The following NHS variants were observed in gnomAD, a reference collection of about 807,000 sequenced individuals.
NHS encodes actin remodeling regulator NHS.
A neutral mutation model predicts 72.5 loss-of-function variants in NHS; 5 were observed. The observed-to-expected ratio is 0.07, with a 90% CI of 0.04 to 0.14. NHS has a LOEUF of 0.14. Among genes scored for constraint, NHS ranks in the 10% least tolerant of loss-of-function variants. NHS has a pLI of 1.00. For missense variants in NHS, 1,072 were observed against 1,355.7 expected, an observed-to-expected ratio of 0.79 and a Z score of 3.29; for synonymous variants, 464 against 547.7, an observed-to-expected ratio of 0.85 and a Z score of 2.13.
intron 1 of NHS, among the ~76,000 whole-genome samples, chrX:17,458,411 T>C (rs2064833670): frequency 9.0e-6 from 1 of 111,125 alleles, no homozygotes. Flanking sequence ...TTATTTTTAG[T>C]AGAGATGGGA....
intron 1 of NHS, among the ~76,000 whole-genome samples, chrX:17,398,000 A>G (rs2064484759): frequency 8.9e-6 from 1 of 112,499 alleles, no homozygotes; most frequent in Non-Finnish European, 1.9e-5. Flanking sequence ...GGGCAGTGAT[A>G]CAAAAGGGAC....
chrX:17,652,806 T>C (rs1261222945), intron 1 of NHS, among the ~76,000 whole-genome samples: 1 of 112,205 alleles, frequency 8.9e-6, no homozygotes, highest in Non-Finnish European at 1.9e-5. Context: ...ATTTTGATCA[T>C]TTCACATTGT....
chrX:17,635,359 T>C, intron 1 of NHS: 1 of 1,114,497 alleles, frequency 9.0e-7, no homozygotes, highest in Non-Finnish European at 1.2e-6. Flanking sequence ...TGAGACCATC[T>C]CCCCCTCCAG....
intron 3 of NHS, chrX:17,705,745 T>G (rs2066291568): frequency 8.9e-6 from 1 of 112,290 alleles, no homozygotes; most frequent in Admixed American, 9.5e-5. Flanking sequence ...AACACACCTG[T>G]ACATGGACCT....
intron 1 of NHS, among the ~76,000 whole-genome samples, chrX:17,432,339 C>T (rs1408779555): frequency 8.9e-6 from 1 of 112,706 alleles, no homozygotes; most frequent in African/African-American, 3.2e-5. Flanking sequence ...ACCATCTCTT[C>T]TATGAAGCTG....
chrX:17,463,454 A>G (rs2064857833), intron 1 of NHS, among the ~76,000 whole-genome samples: 1 of 110,696 alleles, frequency 9.0e-6, no homozygotes, highest in Non-Finnish European at 1.9e-5. Context: ...AAATAATGTA[A>G]TTTGGAAAGG....
In NHS at chrX:17,677,978, T is replaced by TTTG. The variant is rs748502100; in HGVS notation, c.566-9740_566-9738dup. Among the ~76,000 whole-genome samples, 274 of 109,836 alleles carry TTTG rather than the reference T, an allele frequency of 2.5e-3. 2 individuals are homozygous for TTTG. Among genetic ancestry groups the TTTG allele is most frequent in the South Asian group, 6.0e-3 (15 of 2,511 alleles). ...ACCACACCAAGCTAATTTTTGAGGT[T>TTTG]TTGTTGTTGTTGTTGTTGTTGTTGT... is the stretch of plus-strand genomic sequence containing the variant. On this transcript the variant is annotated intron_variant, in intron 1 of 8. Coordinates refer to ENST00000676302, the MANE Select transcript of NHS (RefSeq NM_001291867.2).
At chrX:17,433,687 A>G (rs1025875073) in intron 1 of NHS, among the ~76,000 whole-genome samples, 2 of 111,856 alleles carry the variant, frequency 1.8e-5, no homozygotes, top group Non-Finnish European at 3.8e-5. Context: ...ACTGGAAAGT[A>G]GAGAAGTAAG....
At chrX:17,519,726 C>T (rs1197211455) in intron 1 of NHS, among the ~76,000 whole-genome samples, 1 of 111,552 alleles carries the variant, frequency 9.0e-6, no homozygotes, top group Non-Finnish European at 1.9e-5. Context: ...TAGCTATAGT[C>T]GTATTTCTTT....
At chrX:17,700,507 G>T (rs7066065) in intron 3 of NHS, among the ~76,000 whole-genome samples, 15,355 of 109,819 alleles carry the variant, frequency 0.14, 2,395 homozygotes, top group African/African-American at 0.45. Flanking sequence ...TATTACCTAT[G>T]AGACTGGCAA....
intron 1 of NHS, among the ~76,000 whole-genome samples, chrX:17,566,068 A>C (rs141529206): frequency 0.028 from 2,943 of 104,151 alleles, 91 homozygotes; most frequent in Admixed American, 0.079. Flanking sequence ...AGCCTCGACC[A>C]CTCTGGGCTG....
intron 1 of NHS, among the ~76,000 whole-genome samples, chrX:17,492,136 A>C (rs777403669): frequency 2.7e-5 from 3 of 110,263 alleles, no homozygotes; most frequent in Admixed American, 9.7e-5. Context: ...TATCTCCTTC[A>C]GTTCTGCTCT....
chrX:17,538,536 A>G (rs764293007), intron 1 of NHS, among the ~76,000 whole-genome samples: 2 of 111,904 alleles, frequency 1.8e-5, no homozygotes, highest in Non-Finnish European at 3.8e-5. Flanking sequence ...GGTGTTCTTC[A>G]TAATTCCTGC....
intron 1 of NHS, among the ~76,000 whole-genome samples, chrX:17,416,817 TGTGA>T (rs1163035821): frequency 4.5e-4 from 47 of 103,428 alleles, no homozygotes; most frequent in Non-Finnish European, 7.6e-4. Flanking sequence ...TGTGTGTGTG[TGTGA>T]GAGAGAGAGA....
chrX:17,537,106 A>C (rs1169637057), intron 1 of NHS, among the ~76,000 whole-genome samples: 1 of 112,408 alleles, frequency 8.9e-6, no homozygotes, highest in South Asian at 3.7e-4. Flanking sequence ...ACCAATTTAC[A>C]AAAAAAGGAT....
chrX:17,434,792 G>A (rs996346427), intron 1 of NHS, among the ~76,000 whole-genome samples: 3 of 111,836 alleles, frequency 2.7e-5, no homozygotes, highest in Non-Finnish European at 5.6e-5. Context: ...ATTAGGTTGG[G>A]TGTGAGGGCC....
chrX:17,708,057 G>C (rs138152517), intron 3 of NHS, among the ~76,000 whole-genome samples: 5 of 111,903 alleles, frequency 4.5e-5, no homozygotes, highest in African/African-American at 1.6e-4. Flanking sequence ...ATTAACTTCT[G>C]TCTAAAATAG....
At chrX:17,702,907 G>T (rs368721202) in intron 3 of NHS, among the ~76,000 whole-genome samples, 1 of 110,492 alleles carries the variant, frequency 9.1e-6, no homozygotes. Context: ...ATCCCACCTG[G>T]CCACTCCCCT....
chrX:17,484,725 G>A (rs1326557915), intron 1 of NHS, among the ~76,000 whole-genome samples: 2 of 59,721 alleles, frequency 3.3e-5, no homozygotes, highest in East Asian at 4.9e-4. Context: ...AGGGCAGGTG[G>A]ATGGTGACCT....
Sources: allele counts gnomAD v4.1 joint callset (sites outside exome capture counted in the v4.1 genomes callset), GRCh38; gene constraint gnomAD v4.1.1; transcripts MANE v1.5; gene names NCBI Gene and HGNC (gene_info 2026-07-23, HGNC 2026-07-21).